Variants in FBXW11 observed in about 807,000 individuals in gnomAD.
FBXW11 encodes F-box and WD repeat domain containing 11.
Under a neutral mutation model 77.6 loss-of-function variants are expected in FBXW11, and 19 were observed. The observed-to-expected ratio is 0.24, with a 90% confidence interval of 0.17 to 0.36. The LOEUF is 0.36. Ranked by LOEUF, FBXW11 falls within the 10% of genes least tolerant of loss-of-function variation. The probability of loss-of-function intolerance (pLI) is 1.00; values close to 1 mark genes in which losing one functional copy is unlikely to be tolerated. For missense variants in FBXW11, 334 were observed against 704.2 expected (o/e 0.47, Z 5.95); for synonymous variants, 235 against 249.4 (o/e 0.94, Z 0.54).
chr5:171,871,552 T>C (rs576985280), intron 10 of FBXW11, among the ~76,000 whole-genome samples: 9 of 152,180 alleles, frequency 5.9e-5, no homozygotes, highest in South Asian at 2.1e-4. Flanking sequence ...TATAAACCCA[T>C]TGACAACACC....
chr5:171,910,214 T>TGCC (rs1215484124), intron 4 of FBXW11, among the ~76,000 whole-genome samples: 1 of 151,838 alleles, frequency 6.6e-6, no homozygotes, highest in Non-Finnish European at 1.5e-5. Flanking sequence ...TACAGACATC[T>TGCC]GCCACCACCC....
intron 3 of FBXW11, among the ~76,000 whole-genome samples, chr5:171,913,494 T>A (rs867168315): frequency 6.6e-6 from 1 of 152,192 alleles, no homozygotes; most frequent in African/African-American, 2.4e-5. Context: ...AATAACAGCA[T>A]GTGCACTATT....
intron 1 of FBXW11, among the ~76,000 whole-genome samples, chr5:171,980,173 A>G (rs547451802): frequency 1.3e-5 from 2 of 152,260 alleles, no homozygotes; most frequent in Non-Finnish European, 2.9e-5. Flanking sequence ...GCAGATATTT[A>G]AGAATGATGG....
intron 4 of FBXW11, among the ~76,000 whole-genome samples, chr5:171,901,062 C>T (rs1760083928): frequency 6.6e-6 from 1 of 152,036 alleles, no homozygotes; most frequent in Admixed American, 6.5e-5. Context: ...ATTTCAAGTC[C>T]CAGGTTCACC....
At chr5:171,864,763 G>A (rs1315927428) in intron 13 of FBXW11, among the ~76,000 whole-genome samples, 2 of 152,076 alleles carry the variant, frequency 1.3e-5, no homozygotes, top group East Asian at 3.9e-4. Context: ...CATTCATCAT[G>A]TATGTAAATA....
At chr5:171,920,474 C>T (rs1057387883) in intron 2 of FBXW11, among the ~76,000 whole-genome samples, 14 of 150,230 alleles carry the variant, frequency 9.3e-5, no homozygotes, top group Admixed American at 6.6e-4. Context: ...TCCTGTAAAT[C>T]CCAGCACTTT....
chr5:171,966,480 A>G (rs1033764272), intron 1 of FBXW11, among the ~76,000 whole-genome samples: 18 of 152,218 alleles, frequency 1.2e-4, no homozygotes, highest in Non-Finnish European at 2.9e-5. Context: ...CTCTATTCTA[A>G]GCAGCATGAC....
At chr5:171,929,285 A>T (rs1762041664) in intron 2 of FBXW11, among the ~76,000 whole-genome samples, 1 of 151,870 alleles carries the variant, frequency 6.6e-6, no homozygotes, top group Non-Finnish European at 1.5e-5. Flanking sequence ...CACAAGAATC[A>T]CTTGAACCCT....
intron 2 of FBXW11, among the ~76,000 whole-genome samples, chr5:171,941,618 A>G (rs1231321685): frequency 2.0e-5 from 3 of 151,868 alleles, no homozygotes; most frequent in East Asian, 3.9e-4. Context: ...ATATTACAGC[A>G]TGAGAGAAGC....
intron 2 of FBXW11, among the ~76,000 whole-genome samples, chr5:171,923,766 G>A (rs1246389360): frequency 6.6e-6 from 1 of 151,326 alleles, no homozygotes; most frequent in Non-Finnish European, 1.5e-5. Flanking sequence ...CTGAAATAGA[G>A]ATGTTTCTTA....
rs879912327 is a variant in FBXW11 at position 171,974,556 on chromosome 5, T to TA, written c.46-16859dup. 2.7e-3 allele frequency among the ~76,000 whole-genome samples: 397 copies of TA among 146,360 alleles called. 2 individuals carry two copies. Among genetic ancestry groups the TA allele is most frequent in the Non-Finnish European group, 4.3e-3 (284 of 66,234 alleles). On this transcript the variant is annotated intron_variant, in intron 1 of 13. Coordinates refer to ENST00000517395, the MANE Select transcript of FBXW11 (RefSeq NM_001378974.1). ...CCCTTATACATAAATTTCTTGAAGC[T>TA]AAAAAAAAAACAGGAAGAAGCCGAG... is the stretch of plus-strand genomic sequence containing the variant.
chr5:171,931,525 ATACAGAT>A lies in FBXW11; in HGVS notation c.148-17127_148-17121del, dbSNP rs557914926. ...TACACATTTCACAAAAATTAACTGA[ATACAGAT>A]TACAAGCCTAAATGGAAAATGGAAA... On this transcript the variant is annotated intron_variant, in intron 2 of 13. Transcript: ENST00000517395. 1.5e-3 allele frequency among the ~76,000 whole-genome samples: 228 copies of A among 152,360 alleles called. 1 individual carries two copies. The highest frequency in any genetic ancestry group is 5.3e-3 in the African/African-American group (221 of 41,580).
In FBXW11 at chr5:171,928,107, A is replaced by G. The variant is rs370763535; in HGVS notation, c.148-13702T>C. Among the ~76,000 whole-genome samples, 147 of 152,354 alleles carry G rather than the reference A, an allele frequency of 9.6e-4. 3 individuals carry two copies. The South Asian group carries it at 0.03, about 31-fold the overall frequency. ...AAAGTTCTTCAGACAAAAAGAAAAG[A>G]AAAATTGGATATAGTAAAGGAATGA... is the stretch of plus-strand genomic sequence containing the variant. On this transcript the variant is annotated intron_variant, in intron 2 of 13. Coordinates refer to ENST00000517395, the MANE Select transcript of FBXW11 (RefSeq NM_001378974.1).
At chr5:171,937,235 A>G (rs564010690) in intron 2 of FBXW11, among the ~76,000 whole-genome samples, 1 of 152,246 alleles carries the variant, frequency 6.6e-6, no homozygotes, top group Non-Finnish European at 1.5e-5. Flanking sequence ...GCAAACTTAC[A>G]TGAGTATTCA....
intron 2 of FBXW11, 44 bp downstream of exon 2, chr5:171,957,553 G>A: frequency 6.7e-7 from 1 of 1,483,886 alleles, no homozygotes; most frequent in East Asian, 2.3e-5. Context: ...AAATGTTCAT[G>A]GCATACGTAA....
intron 2 of FBXW11, among the ~76,000 whole-genome samples, chr5:171,947,330 T>C (rs1763065502): frequency 6.6e-6 from 1 of 152,262 alleles, no homozygotes; most frequent in Non-Finnish European, 1.5e-5. Flanking sequence ...ACATTGGGCA[T>C]TTATTTCTAT....
chr5:171,882,283 A>G (rs576123933), intron 7 of FBXW11, among the ~76,000 whole-genome samples: 11 of 152,114 alleles, frequency 7.2e-5, no homozygotes, highest in East Asian at 1.9e-4. Flanking sequence ...CCACCCACAC[A>G]TGCACACATG....
chr5:171,992,206 GAC>G (rs926211980), intron 1 of FBXW11, among the ~76,000 whole-genome samples: 3 of 151,314 alleles, frequency 2.0e-5, no homozygotes, highest in African/African-American at 7.3e-5. Flanking sequence ...AAGGCAGGCA[GAC>G]CACAAGGTCA....
In FBXW11 at chr5:171,985,868, G is replaced by A. The variant is rs546588521; in HGVS notation, c.45+20590C>T. ...AGGCTAAGGCAGGAAAATAGCTTAC[G>A]TCCAGGAGGTCAAGGCTGCAATGAG... On this transcript the variant is annotated intron_variant, in intron 1 of 13. Transcript: ENST00000517395. Among the ~76,000 whole-genome samples, 9 of 152,212 alleles carry A rather than the reference G, an allele frequency of 5.9e-5. 1 individual carries two copies. The South Asian group carries it at 6.2e-4, about 11-fold the overall frequency.
Sources: allele counts gnomAD v4.1 joint callset (sites outside exome capture counted in the v4.1 genomes callset), GRCh38; gene constraint gnomAD v4.1.1; transcripts MANE v1.5; gene names NCBI Gene and HGNC (gene_info 2026-07-23, HGNC 2026-07-21).